Variants in SLC2A2 observed in about 807,000 individuals in gnomAD.
SLC2A2 encodes the protein solute carrier family 2, facilitated glucose transporter member 2.
A neutral mutation model predicts 54.5 loss-of-function variants in SLC2A2; 36 were observed. The observed-to-expected ratio is 0.66, with a 90% confidence interval of 0.51 to 0.87. The LOEUF is 0.87. Ranked by LOEUF, SLC2A2 falls within the 40% of genes least tolerant of loss-of-function variation. The probability of loss-of-function intolerance (pLI) is 0.00; values close to 1 mark genes in which losing one functional copy is unlikely to be tolerated. For synonymous variants in SLC2A2, 223 were observed against 219.1 expected (o/e 1.02, Z -0.16); for missense variants, 543 against 624.3 (o/e 0.87, Z 1.39).
At chr3:171,011,703 G>T (rs1344284907) in intron 3 of SLC2A2, among the ~76,000 whole-genome samples, 1 of 152,146 alleles carries the variant, frequency 6.6e-6, no homozygotes, top group Admixed American at 6.6e-5. Flanking sequence ...AGTTTAAGGG[G>T]TGTTTAGTAG....
chr3:171,001,323 C>T (rs1263915205), intron 8 of SLC2A2, among the ~76,000 whole-genome samples: 1 of 152,000 alleles, frequency 6.6e-6, no homozygotes, highest in African/African-American at 2.4e-5. Context: ...GGTGAATAGT[C>T]CCTTGGATTG....
chr3:171,021,299 A>G (rs1716452870), intron 1 of SLC2A2, among the ~76,000 whole-genome samples: 1 of 152,172 alleles, frequency 6.6e-6, no homozygotes, highest in South Asian at 2.1e-4. Flanking sequence ...CACTTCCCTC[A>G]TACTCTCCAT....
At position 171,009,956 on chromosome 3, in the gene SLC2A2, A is replaced by T. The variant is rs985090030; in HGVS notation, c.496+2T>A. 6.4e-7 allele frequency: 1 copy of T among 1,571,620 alleles called. No individual in the cohort carries two copies. The highest frequency in any genetic ancestry group is 1.1e-5 in the South Asian group (1 of 88,482). On this transcript the variant is annotated splice_donor_variant, in intron 4 of 10. Coordinates refer to ENST00000314251, the MANE Select transcript of SLC2A2 (RefSeq NM_000340.2). LOFTEE classifies it high-confidence loss of function. ...GTGTGTGTGTGTGTGTGTGTGACTT[A>T]CCACAATATAGTCCTGATATGCTTC...
Position 170,997,625 on chromosome 3 carries a change from A to G in SLC2A2, c.*278T>C. ...TCTTCAATTTTAGAAGAACCTTGTT[A>G]TAAAGAACAGAGCTAAAAATATTAG... On this transcript the variant is annotated 3_prime_UTR_variant, in exon 11 of 11. Transcript: ENST00000314251. 8.1e-6 allele frequency: 3 copies of G among 370,676 alleles called. No individual in the cohort carries two copies. The highest frequency in any genetic ancestry group is 1.5e-5 in the Non-Finnish European group (3 of 206,888). 23.0% of individuals were successfully genotyped at this position (370,676 alleles called of 1,614,324 possible).
Position 170,996,983 on chromosome 3 carries a change from T to G in SLC2A2, c.*920A>C, listed in dbSNP as rs56204521. 0.01 allele frequency: 2,316 copies of G among 226,586 alleles called. 18 individuals carry two copies. Among genetic ancestry groups the G allele is most frequent in the Admixed American group, 0.02 (345 of 17,562 alleles). 14.0% of individuals were successfully genotyped at this position (226,586 alleles called of 1,614,324 possible). On this transcript the variant is annotated 3_prime_UTR_variant, in exon 11 of 11. Coordinates refer to ENST00000314251, the MANE Select transcript of SLC2A2 (RefSeq NM_000340.2). ...AGTGATCAATCCTTTACTTCAAATT[T>G]TCTTACATTAGATTTGATCAAACTT...
At chr3:170,998,436 T>C in intron 9 of SLC2A2, 40 bp from the exon 10 acceptor site, 2 of 1,551,512 alleles carry the variant, frequency 1.3e-6, no homozygotes, top group Non-Finnish European at 1.8e-6. Context: ...ACTGAGATCA[T>C]TTGGCTGCTT....
In SLC2A2 at chr3:171,018,531, C is replaced by T. The variant is rs771422399; in HGVS notation, c.108G>A (p.Gln36=). 1 of 1,601,174 alleles carries T rather than the reference C, an allele frequency of 6.2e-7. No individual in the cohort carries two copies. Among genetic ancestry groups the T allele is most frequent in the Non-Finnish European group, 8.6e-7 (1 of 1,168,162 alleles). The change falls in exon 2 of 11, where the codon CAG becomes CAA. Residue 36 remains glutamine (Q), a splice_region_variant and synonymous_variant. Coordinates refer to ENST00000314251, the MANE Select transcript of SLC2A2 (RefSeq NM_000340.2). ...GAGAACTTCTACATATTTCACTTGC[C>T]TGTTGAGGTGCATTGATCACACCAA... ...YDIGVINAPQ[Q]VIISHYRHVL...
In SLC2A2 at chr3:170,996,417, C is replaced by G. The variant is rs547190288; in HGVS notation, c.*1486G>C. Reference sequence around the variant, plus strand: ...ATGTGAACAACTTTAGAAAACAAAGCAAATGTTCAGTGGTTTTTAATTATT... The same window carrying G: ...ATGTGAACAACTTTAGAAAACAAAGGAAATGTTCAGTGGTTTTTAATTATT... On this transcript the variant is annotated 3_prime_UTR_variant, in exon 11 of 11. Transcript: ENST00000314251. 7.7e-6 allele frequency: 3 copies of G among 390,236 alleles called. No individual in the cohort carries two copies. The highest frequency in any genetic ancestry group is 2.9e-4 in the South Asian group (2 of 6,946). The allele number at this position is 390,236 out of a possible 1,614,324, so 24.2% of individuals were successfully genotyped here.
chr3:171,013,497 C>T (rs996548826), intron 3 of SLC2A2, among the ~76,000 whole-genome samples: 1 of 151,826 alleles, frequency 6.6e-6, no homozygotes, highest in African/African-American at 2.4e-5. Flanking sequence ...AACTTATAGT[C>T]ATATTATATA....
chr3:171,020,631 C>G (rs1716414854), intron 1 of SLC2A2, among the ~76,000 whole-genome samples: 1 of 151,870 alleles, frequency 6.6e-6, no homozygotes, highest in South Asian at 2.1e-4. Context: ...ACCTGTAATC[C>G]CACCACTTTG....
At position 171,020,518 on chromosome 3, in the gene SLC2A2, T is replaced by A. The variant is rs577768704; in HGVS notation, c.16-1895A>T. Among the ~76,000 whole-genome samples the A allele has an allele frequency of 8.5e-5, 13 of 152,254 alleles. No individual in the cohort carries two copies. The East Asian group carries it at 2.3e-3, about 27-fold the overall frequency. ...TTCAAAGTTGACCCAAAAGACATGG[T>A]TATATGATACATATATATTGCCCAA... On this transcript the variant is annotated intron_variant, in intron 1 of 10. Transcript: ENST00000314251.
Position 171,002,558 on chromosome 3 carries a change from T to C in SLC2A2, c.1068+18A>G, listed in dbSNP as rs751968886. ...GACTAAGGAACAAGCAGAGTATTTA[T>C]CTAGGGCATTGACTTACAGAGACAG... On this transcript the variant is annotated intron_variant, in intron 8 of 10. Coordinates refer to ENST00000314251, the MANE Select transcript of SLC2A2 (RefSeq NM_000340.2). 3 of 1,492,790 alleles carry C rather than the reference T, an allele frequency of 2.0e-6. No homozygotes were observed. The highest frequency in any genetic ancestry group is 2.8e-6 in the Non-Finnish European group (3 of 1,071,390). 92.5% of individuals were successfully genotyped at this position (1,492,790 alleles called of 1,614,324 possible). A position where few individuals can be genotyped will look rare whatever the true frequency, so the allele number is the denominator to read the frequency against.
chr3:170,999,116 C>A lies in SLC2A2; in HGVS notation c.1119G>T (p.Met373Ile). ...AGRRSLFLIG[M>I]SGMFVCAIFM... ...AGATGGCACAAACAAACATCCCACTCATTCCAATTAGAAAGAGAGAACGTC... is the reference window on the plus strand; with the variant it reads ...AGATGGCACAAACAAACATCCCACTAATTCCAATTAGAAAGAGAGAACGTC... The change falls in exon 9 of 11, where the codon ATG (methionine) becomes ATT (isoleucine). Residue 373 changes from methionine to isoleucine, a missense_variant. This residue lies in a region of SLC2A2 where 117 missense variants were observed against 179.2 expected (regional missense o/e 0.65). Coordinates refer to ENST00000314251, the MANE Select transcript of SLC2A2 (RefSeq NM_000340.2). The A allele has an allele frequency of 6.2e-7, 1 of 1,613,184 alleles. No individual in the cohort carries two copies. Among genetic ancestry groups the A allele is most frequent in the South Asian group, 1.1e-5 (1 of 91,056 alleles).
intron 5 of SLC2A2, 100 bp from the exon 6 acceptor site, chr3:171,006,205 T>A: frequency 2.8e-6 from 3 of 1,069,864 alleles, no homozygotes; most frequent in Non-Finnish European, 4.1e-6. Context: ...AATAGTAGTC[T>A]CTGACAACTT....
chr3:171,004,123 A>G (rs191065378), intron 7 of SLC2A2, among the ~76,000 whole-genome samples: 1 of 152,046 alleles, frequency 6.6e-6, no homozygotes, highest in African/African-American at 2.4e-5. Flanking sequence ...GACTGTGCCA[A>G]CTGTGTTCAG....
intron 1 of SLC2A2, among the ~76,000 whole-genome samples, chr3:171,023,287 C>T (rs1281598327): frequency 6.6e-6 from 1 of 152,074 alleles, no homozygotes; most frequent in Admixed American, 6.6e-5. Flanking sequence ...AGTGATTATC[C>T]CAAATATCAA....
At chr3:171,011,485 C>A (rs1304535480) in intron 3 of SLC2A2, among the ~76,000 whole-genome samples, 1 of 152,130 alleles carries the variant, frequency 6.6e-6, no homozygotes, top group East Asian at 1.9e-4. Context: ...CTCAAAGCCT[C>A]CAGAAGGAAC....
At chr3:170,998,817 C>T (rs549347219) in intron 9 of SLC2A2, among the ~76,000 whole-genome samples, 1 of 152,260 alleles carries the variant, frequency 6.6e-6, no homozygotes, top group East Asian at 1.9e-4. Context: ...AGAGCCTATG[C>T]TCTAACCATG....
chr3:171,016,109 T>C (rs1246732706), intron 2 of SLC2A2, among the ~76,000 whole-genome samples: 1 of 152,140 alleles, frequency 6.6e-6, no homozygotes, highest in African/African-American at 2.4e-5. Flanking sequence ...GGGGAAGAAT[T>C]GAGCATCCTC....
Sources: allele counts gnomAD v4.1 joint callset (sites outside exome capture counted in the v4.1 genomes callset), GRCh38; gene constraint gnomAD v4.1.1; regional missense constraint gnomAD v4.1.1; transcripts MANE v1.5; gene names NCBI Gene and HGNC (gene_info 2026-07-23, HGNC 2026-07-21).